Variants in SHISA9 observed in about 807,000 individuals in gnomAD.
SHISA9 encodes protein shisa-9.
Under a neutral mutation model 38.0 loss-of-function variants are expected in SHISA9, and 13 were observed. The ratio of observed to expected loss-of-function variants is 0.34; its 90% CI spans 0.22 to 0.54. The LOEUF (loss-of-function observed/expected upper bound fraction) is 0.54. Ranked by LOEUF, SHISA9 falls within the 20% of genes least tolerant of loss-of-function variation. The pLI is 0.91. For missense variants in SHISA9, 538 were observed against 575.8 expected (o/e 0.93, Z 0.67); for synonymous variants, 275 against 242.0 (o/e 1.14, Z -1.27).
chr16:13,338,013 A>C, the SHISA9 span, among the ~76,000 whole-genome samples: 1 of 152,214 alleles, frequency 6.6e-6, no homozygotes, highest in Non-Finnish European at 1.5e-5. Context: ...AGTTCTTAAT[A>C]GCAATGCAAG....
At chr16:13,384,551 A>C in the SHISA9 span, among the ~76,000 whole-genome samples, 1 of 152,192 alleles carries the variant, frequency 6.6e-6, no homozygotes. Flanking sequence ...TTCTCTACCA[A>C]GAGCCAGGAA....
the SHISA9 span, among the ~76,000 whole-genome samples, chr16:13,258,905 C>G: frequency 6.6e-6 from 1 of 152,112 alleles, no homozygotes; most frequent in East Asian, 1.9e-4. Context: ...CAAACCATAT[C>G]ATTCCACCCC....
At chr16:13,335,429 C>T in the SHISA9 span, among the ~76,000 whole-genome samples, 3 of 152,166 alleles carry the variant, frequency 2.0e-5, no homozygotes, top group Admixed American at 6.5e-5. Context: ...CTATCCCCTA[C>T]CCCCCTTTAA....
chr16:13,371,600 C>T, the SHISA9 span, among the ~76,000 whole-genome samples: 1 of 152,222 alleles, frequency 6.6e-6, no homozygotes, highest in Non-Finnish European at 1.5e-5. Context: ...GGTTGAAACA[C>T]TCCTAAGGAA....
At chr16:13,406,065 G>A in the SHISA9 span, among the ~76,000 whole-genome samples, 4 of 152,192 alleles carry the variant, frequency 2.6e-5, no homozygotes, top group South Asian at 8.3e-4. Context: ...ACAACCTACA[G>A]AATGGGAGAA....
chr16:13,066,758 C>G (rs2073439724), intron 2 of SHISA9, among the ~76,000 whole-genome samples: 1 of 152,196 alleles, frequency 6.6e-6, no homozygotes, highest in South Asian at 2.1e-4. Context: ...ATTGTCAGTC[C>G]TGTGAACCAA....
At chr16:12,985,748 T>G (rs1375912155) in intron 2 of SHISA9, among the ~76,000 whole-genome samples, 1 of 152,204 alleles carries the variant, frequency 6.6e-6, no homozygotes, top group Non-Finnish European at 1.5e-5. Context: ...ATTTTTGTGG[T>G]CTGCAATCTT....
intron 2 of SHISA9, among the ~76,000 whole-genome samples, chr16:12,925,015 T>C (rs1243051787): frequency 6.6e-5 from 10 of 152,210 alleles, no homozygotes; most frequent in Admixed American, 1.3e-4. Flanking sequence ...TTGTTACTAA[T>C]ATTGTTTGTA....
At chr16:12,950,343 CTT>C (rs1405470251) in intron 2 of SHISA9, among the ~76,000 whole-genome samples, 2 of 152,132 alleles carry the variant, frequency 1.3e-5, no homozygotes, top group Non-Finnish European at 2.9e-5. Flanking sequence ...GCATATATCT[CTT>C]TGATATACTA....
intron 2 of SHISA9, among the ~76,000 whole-genome samples, chr16:13,131,414 A>G (rs1596669873): frequency 6.6e-6 from 1 of 152,102 alleles, no homozygotes; most frequent in African/African-American, 2.4e-5. Flanking sequence ...GTTGACCAAT[A>G]AGAACACATG....
chr16:12,931,257 C>T (rs79291125), intron 2 of SHISA9, among the ~76,000 whole-genome samples: 6,273 of 152,148 alleles, frequency 0.041, 393 homozygotes, highest in African/African-American at 0.14. Context: ...TTGAAGTTGC[C>T]CATTTTATTT....
intron 2 of SHISA9, among the ~76,000 whole-genome samples, chr16:13,178,481 G>C (rs751259653): frequency 6.6e-6 from 1 of 152,174 alleles, no homozygotes; most frequent in East Asian, 1.9e-4. Context: ...CCAAGCTCCC[G>C]ACACAGCAGA....
intron 2 of SHISA9, among the ~76,000 whole-genome samples, chr16:13,040,966 G>A (rs2073125842): frequency 6.6e-6 from 1 of 152,166 alleles, no homozygotes; most frequent in Non-Finnish European, 1.5e-5. Flanking sequence ...CCCCCAACCT[G>A]GAAACGTGTG....
chr16:13,397,522 C>T, the SHISA9 span, among the ~76,000 whole-genome samples: 1 of 152,318 alleles, frequency 6.6e-6, no homozygotes, highest in Non-Finnish European at 1.5e-5. Flanking sequence ...GCAATCTTCA[C>T]CTCCTGGGTT....
chr16:13,208,429 TTTTC>T (rs1051307624), intron 3 of SHISA9, among the ~76,000 whole-genome samples: 6 of 84,844 alleles, frequency 7.1e-5, no homozygotes, highest in African/African-American at 6.0e-4. Context: ...TTTCCTTTCT[TTTTC>T]TTTTTTTTTC....
At chr16:13,525,943 T>A in the SHISA9 span, among the ~76,000 whole-genome samples, 1 of 152,220 alleles carries the variant, frequency 6.6e-6, no homozygotes, top group Admixed American at 6.5e-5. Flanking sequence ...AATGGTGACA[T>A]CAAGGTGGCC....
chr16:13,209,882 C>G (rs1048183213), intron 3 of SHISA9, among the ~76,000 whole-genome samples: 3 of 152,172 alleles, frequency 2.0e-5, no homozygotes, highest in Admixed American at 2.0e-4. Context: ...CGATGGATCA[C>G]GGGGTCAGGA....
chr16:12,953,435 A>G (rs990028476), intron 2 of SHISA9, among the ~76,000 whole-genome samples: 6 of 152,320 alleles, frequency 3.9e-5, no homozygotes, highest in Admixed American at 1.3e-4. Context: ...TGCCTTGTTC[A>G]TCAGTGCTAG....
chr16:13,390,927 T>A, the SHISA9 span, among the ~76,000 whole-genome samples: 1 of 152,210 alleles, frequency 6.6e-6, no homozygotes, highest in Non-Finnish European at 1.5e-5. Flanking sequence ...TGGCATATCT[T>A]GATTTTCGTA....
Sources: allele counts gnomAD v4.1 joint callset (sites outside exome capture counted in the v4.1 genomes callset), GRCh38; gene constraint gnomAD v4.1.1; transcripts MANE v1.5; gene names NCBI Gene and HGNC (gene_info 2026-07-23, HGNC 2026-07-21).